The following EPC1 variants were observed in gnomAD, a reference collection of about 807,000 sequenced individuals.
EPC1 encodes the protein enhancer of polycomb homolog 1.
In EPC1, 12 loss-of-function variants were observed where a neutral mutation model predicts 98.4. The ratio of observed to expected loss-of-function variants is 0.12; its 90% CI spans 0.08 to 0.20. EPC1 has a LOEUF of 0.20. EPC1 is among the 10% of genes least tolerant of loss of function. EPC1 has a pLI of 1.00. For synonymous variants in EPC1, 357 were observed against 363.9 expected (o/e 0.98, Z 0.21); for missense variants, 729 against 990.5 (o/e 0.74, Z 3.54).
rs41289025 is a variant in EPC1, at chr10:32,271,616, G to A, written c.2307C>T (p.Ala769=). Residue 769 remains alanine (A), a synonymous_variant, in exon 13 of 14, where the codon GCC becomes GCT. Transcript: ENST00000319778. ...SAVPSSALKL[A]AAANCQVSKV... ...TGGAAACTTGACAGTTTGCTGCAGC[G>A]GCCAGCTTTAAGGCAGATGATGGAA... 2.4e-5 allele frequency: 39 copies of A among 1,614,062 alleles called. 1 individual carries two copies. Among genetic ancestry groups the A allele is most frequent in the East Asian group, 2.2e-5 (1 of 44,874 alleles).
At chr10:32,333,435 C>T (rs983213144) in intron 1 of EPC1, among the ~76,000 whole-genome samples, 1 of 152,182 alleles carries the variant, frequency 6.6e-6, no homozygotes, top group African/African-American at 2.4e-5. Context: ...AAAGTGCTGC[C>T]TTGCTGTTTC....
At chr10:32,327,075 A>ACT (rs1837336568) in intron 1 of EPC1, among the ~76,000 whole-genome samples, 1 of 150,876 alleles carries the variant, frequency 6.6e-6, no homozygotes, top group Admixed American at 6.6e-5. Context: ...ACACACACAC[A>ACT]CACACACACA....
intron 6 of EPC1, among the ~76,000 whole-genome samples, chr10:32,289,560 A>C (rs1161216809): frequency 6.6e-6 from 1 of 152,126 alleles, no homozygotes; most frequent in Non-Finnish European, 1.5e-5. Context: ...CAGGGGAGAT[A>C]AAACTGATGG....
Position 32,276,427 on chromosome 10 carries a change from G to A in EPC1, c.1745-3146C>T, listed in dbSNP as rs147653686. ...CTCGGGAGGCTGAGGCACGAGAATC[G>A]CTCGAATCCAGGAGGCAGAGGTTGC... is the stretch of plus-strand genomic sequence containing the variant. On this transcript the variant is annotated intron_variant, in intron 10 of 13. Coordinates refer to ENST00000319778, the MANE Select transcript of EPC1 (RefSeq NM_001272004.3). 1.1e-4 allele frequency among the ~76,000 whole-genome samples: 17 copies of A among 152,266 alleles called. 1 individual carries two copies. The East Asian group carries it at 2.9e-3, about 26-fold the overall frequency.
chr10:32,301,779 T>G (rs1039395338), intron 2 of EPC1, among the ~76,000 whole-genome samples: 3 of 152,134 alleles, frequency 2.0e-5, no homozygotes, highest in Non-Finnish European at 4.4e-5. Context: ...AAAATTAACT[T>G]AAAATGGACC....
chr10:32,341,331 C>CTGTGTGTGTGTGTCTGTGTG (rs150858943), intron 1 of EPC1, among the ~76,000 whole-genome samples: 2 of 151,064 alleles, frequency 1.3e-5, no homozygotes, highest in African/African-American at 4.8e-5. Context: ...GTGTGTGTGT[C>CTGTGTGTGTGTGTCTGTGTG]TGTGTGTGTG....
Position 32,330,396 on chromosome 10 carries a change from A to G in EPC1, c.153+16367T>C, listed in dbSNP as rs76491768. On this transcript the variant is annotated intron_variant, in intron 1 of 13. Coordinates refer to ENST00000319778, the MANE Select transcript of EPC1 (RefSeq NM_001272004.3). ...ATTCACGGTCAGTCTGAATACATTA[A>G]GCTGAGTGGAAGGGCAGCCCACACC... Among the ~76,000 whole-genome samples, 546 of 152,334 alleles carry G rather than the reference A, an allele frequency of 3.6e-3. 3 individuals are homozygous for G. Among genetic ancestry groups the G allele is most frequent in the African/African-American group, 0.013 (521 of 41,564 alleles).
chr10:32,351,141 C>G (rs1047400459), upstream of EPC1, among the ~76,000 whole-genome samples: 1 of 152,190 alleles, frequency 6.6e-6, no homozygotes, highest in Non-Finnish European at 1.5e-5. Context: ...ATGCATGTCA[C>G]CAAGTCAGTG....
intron 10 of EPC1, among the ~76,000 whole-genome samples, chr10:32,277,444 C>G (rs1592535674): frequency 6.6e-6 from 1 of 152,186 alleles, no homozygotes; most frequent in Non-Finnish European, 1.5e-5. Flanking sequence ...ACTTTCTAAC[C>G]AAGATCCTCA....
At chr10:32,328,629 A>G (rs1431808020) in intron 1 of EPC1, among the ~76,000 whole-genome samples, 1 of 152,208 alleles carries the variant, frequency 6.6e-6, no homozygotes, top group African/African-American at 2.4e-5. Flanking sequence ...AACAGCCACA[A>G]AAAACAATGG....
At chr10:32,366,254 G>A (rs1394111860) in intron 1 of EPC1, among the ~76,000 whole-genome samples, 1 of 152,130 alleles carries the variant, frequency 6.6e-6, no homozygotes, top group Non-Finnish European at 1.5e-5. Context: ...CCCCACCTCT[G>A]TGCAAAAGCA....
At chr10:32,363,017 T>G (rs561154469) in intron 1 of EPC1, among the ~76,000 whole-genome samples, 3 of 152,158 alleles carry the variant, frequency 2.0e-5, no homozygotes, top group African/African-American at 7.2e-5. Context: ...TAAAAGAAAT[T>G]TACATCCATA....
At chr10:32,370,642 TG>T (rs763250791) in intron 1 of EPC1, among the ~76,000 whole-genome samples, 2 of 152,196 alleles carry the variant, frequency 1.3e-5, no homozygotes, top group Non-Finnish European at 2.9e-5. Context: ...AGACCAGGGC[TG>T]TTCAATAGAG....
intron 13 of EPC1, among the ~76,000 whole-genome samples, chr10:32,270,371 T>C (rs1474006028): frequency 6.6e-6 from 1 of 152,212 alleles, no homozygotes; most frequent in Non-Finnish European, 1.5e-5. Context: ...CAGTACCTTG[T>C]AGACAGCAGG....
intron 10 of EPC1, among the ~76,000 whole-genome samples, chr10:32,277,289 A>G (rs543269092): frequency 2.6e-5 from 4 of 152,298 alleles, no homozygotes; most frequent in African/African-American, 9.6e-5. Context: ...GGGATTAGGA[A>G]AGGAAGCATG....
intron 10 of EPC1, among the ~76,000 whole-genome samples, chr10:32,281,095 C>T (rs1256475945): frequency 2.0e-5 from 3 of 152,154 alleles, no homozygotes; most frequent in Non-Finnish European, 4.4e-5. Flanking sequence ...AGTGCAGTGG[C>T]GTGATGTTGG....
At chr10:32,378,425 T>A in intron 1 of EPC1, 1 of 1,355,224 alleles carries the variant, frequency 7.4e-7, no homozygotes, top group Non-Finnish European at 1.0e-6. Flanking sequence ...AGAAACACAA[T>A]GAAAATCCTT....
intron 11 of EPC1, 124 bp from the exon 12 acceptor site, chr10:32,272,291 C>T (rs1564517322): frequency 6.7e-6 from 5 of 742,542 alleles, no homozygotes. Context: ...TGAAATCTTT[C>T]TATTTTGGTA....
intron 1 of EPC1, among the ~76,000 whole-genome samples, chr10:32,356,858 C>T (rs545145573): frequency 6.6e-6 from 1 of 152,196 alleles, no homozygotes; most frequent in African/African-American, 2.4e-5. Flanking sequence ...GTGGTGGGCA[C>T]CTGTAGTCCC....
Sources: gnomAD v4.1 joint callset for allele counts (sites outside exome capture counted in the v4.1 genomes callset) on GRCh38, gnomAD v4.1.1 for gene constraint, MANE v1.5 for transcripts, NCBI Gene and HGNC (gene_info 2026-07-23, HGNC 2026-07-21) for gene names.